The following CC2D1A variants were observed in gnomAD, a reference collection of about 807,000 sequenced individuals.
CC2D1A encodes coiled-coil and C2 domain containing 1A, also known as coiled-coil and C2 domain-containing protein 1A.
A neutral mutation model predicts 123.8 loss-of-function variants in CC2D1A; 68 were observed. The ratio of observed to expected loss-of-function variants is 0.55; its 90% CI spans 0.45 to 0.67. The LOEUF (loss-of-function observed/expected upper bound fraction) is 0.67, where lower values mean the gene tolerates loss of function less well. CC2D1A is among the 30% of genes least tolerant of loss of function. The pLI, the probability that CC2D1A is intolerant of heterozygous loss-of-function variation, is 0.00. For missense variants in CC2D1A, 1,185 were observed against 1,290.3 expected (o/e 0.92, Z 1.25); for synonymous variants, 477 against 528.0 (o/e 0.90, Z 1.32).
chr19:13,925,131 C>A (rs1035986462), intron 17 of CC2D1A, among the ~76,000 whole-genome samples: 1 of 152,146 alleles, frequency 6.6e-6, no homozygotes, highest in African/African-American at 2.4e-5. Flanking sequence ...GAGCACACTC[C>A]ACTCTCCCCT....
chr19:13,913,051 C>T lies in CC2D1A; in HGVS notation c.379-117C>T, dbSNP rs1372125797. 4 of 1,109,760 alleles carry T rather than the reference C, an allele frequency of 3.6e-6. 1 individual carries two copies. Among genetic ancestry groups the T allele is most frequent in the East Asian group, 2.6e-5 (1 of 38,046 alleles). 68.7% of individuals were successfully genotyped at this position (1,109,760 alleles called of 1,614,324 possible). ...AATGGGGACCATGATTTCTGCCTCA[C>T]TGGGGCAGGGGAGGCTGGTCCAGGG... On this transcript the variant is annotated intron_variant, in intron 4 of 28. Transcript: ENST00000318003.
chr19:13,921,010 A>C lies in CC2D1A; in HGVS notation c.1641+88A>C, dbSNP rs1282600292. ...CAGCCACGTGAACTAGAAGTGTATT[A>C]GTCAAGGTCCAGCTGCTGTAACAAA... On this transcript the variant is annotated intron_variant, in intron 14 of 28. Transcript: ENST00000318003. 7 of 1,275,990 alleles carry C rather than the reference A, an allele frequency of 5.5e-6. No homozygotes were observed. In the East Asian group the frequency reaches 1.8e-4, roughly 32 times the overall value. The allele number at this position is 1,275,990 out of a possible 1,614,324, so 79.0% of individuals were successfully genotyped here.
At chr19:13,914,143 G>C (rs1252149550) in intron 6 of CC2D1A, among the ~76,000 whole-genome samples, 2 of 151,892 alleles carry the variant, frequency 1.3e-5, no homozygotes, top group Admixed American at 6.6e-5. Flanking sequence ...CTCCCAATTT[G>C]CTGGGATTAC....
chr19:13,914,037 C>G (rs987704137), intron 6 of CC2D1A, among the ~76,000 whole-genome samples: 2 of 151,760 alleles, frequency 1.3e-5, no homozygotes, highest in African/African-American at 4.8e-5. Context: ...ATATGCCACA[C>G]TTGGCTAATT....
At chr19:13,926,406 G>C in intron 17 of CC2D1A, 111 bp from the exon 18 acceptor site, 1 of 895,990 alleles carries the variant, frequency 1.1e-6, no homozygotes, top group Non-Finnish European at 1.7e-6. Flanking sequence ...CCGAAGGCCA[G>C]GGTGGGGTTT....
chr19:13,908,080 A>T (rs1599374931), intron 1 of CC2D1A, among the ~76,000 whole-genome samples: 2 of 152,032 alleles, frequency 1.3e-5, no homozygotes, highest in South Asian at 4.1e-4. Flanking sequence ...ATCTCGGCCC[A>T]CTGCAACCTC....
chr19:13,924,574 A>G (rs939099124), intron 17 of CC2D1A, among the ~76,000 whole-genome samples: 13 of 151,614 alleles, frequency 8.6e-5, no homozygotes, highest in Non-Finnish European at 1.9e-4. Context: ...GGTTCAAGCA[A>G]TTCTCCTGCC....
chr19:13,907,909 T>C (rs1419515891), intron 1 of CC2D1A, among the ~76,000 whole-genome samples: 1 of 152,196 alleles, frequency 6.6e-6, no homozygotes, highest in Non-Finnish European at 1.5e-5. Context: ...CAATTTCATA[T>C]GGTTAAACAC....
rs771121840 is a variant in CC2D1A at position 13,930,409 on chromosome 19, C to T, written c.*14C>T. The T allele has an allele frequency of 4.4e-6, 7 of 1,597,840 alleles. No homozygotes were observed. In the Admixed American group the frequency reaches 7.0e-5, roughly 16 times the overall value. ...CTCCGCAGGTGAGGAGCCCATGGGGCGGGCAGCCCCCAGAAAGCGGGCAGC... is the reference window on the plus strand; with the variant it reads ...CTCCGCAGGTGAGGAGCCCATGGGGTGGGCAGCCCCCAGAAAGCGGGCAGC... On this transcript the variant is annotated 3_prime_UTR_variant, in exon 29 of 29. Coordinates refer to ENST00000318003, the MANE Select transcript of CC2D1A (RefSeq NM_017721.5). This position sits in a 1 kb window ranked among gnomAD's most constrained non-coding sequence, Gnocchi z 6.8.
At chr19:13,928,500 G>A (rs1294799139) in intron 24 of CC2D1A, among the ~76,000 whole-genome samples, 1 of 151,714 alleles carries the variant, frequency 6.6e-6, no homozygotes, top group Non-Finnish European at 1.5e-5. Context: ...CCTACCTAGG[G>A]TAGGGGTGTT....
At chr19:13,920,398 A>AAGG in intron 12 of CC2D1A, 159 bp from the exon 13 acceptor site, 1 of 608,444 alleles carries the variant, frequency 1.6e-6, no homozygotes, top group South Asian at 1.9e-5. Context: ...AAAAAAAAAA[A>AAGG]GGTGTTTGGG....
chr19:13,919,268 C>T (rs2145332735), intron 11 of CC2D1A, 66 bp downstream of exon 11: 2 of 1,296,620 alleles, frequency 1.5e-6, no homozygotes, highest in East Asian at 2.6e-5. Context: ...CCCCCAGAGG[C>T]CCCGCCGCTG....
At chr19:13,908,973 C>T (rs555417007) in intron 1 of CC2D1A, among the ~76,000 whole-genome samples, 1 of 151,950 alleles carries the variant, frequency 6.6e-6, no homozygotes, top group Non-Finnish European at 1.5e-5. Flanking sequence ...GTTGCCCAGG[C>T]GGAGTGCCGT....
At chr19:13,908,300 G>A (rs566394644) in intron 1 of CC2D1A, among the ~76,000 whole-genome samples, 3 of 152,086 alleles carry the variant, frequency 2.0e-5, no homozygotes, top group East Asian at 1.9e-4. Flanking sequence ...GTGAGCCACC[G>A]TGCCCGGCCT....
At chr19:13,920,261 A>T (rs542522004) in intron 12 of CC2D1A, 36 of 136,310 alleles carry the variant, frequency 2.6e-4, no homozygotes, top group African/African-American at 1.3e-3. Flanking sequence ...CAAGACAATT[A>T]AAAAAAAAAA....
chr19:13,918,862 A>G, intron 9 of CC2D1A, 45 bp downstream of exon 9: 1 of 1,609,828 alleles, frequency 6.2e-7, no homozygotes, highest in Non-Finnish European at 8.5e-7. Context: ...CTGGAGCCAG[A>G]CTGTCTACCC....
At chr19:13,918,848 C>T (rs750771780) in intron 9 of CC2D1A, 31 bp downstream of exon 9, 3 of 1,610,836 alleles carry the variant, frequency 1.9e-6, no homozygotes, top group Non-Finnish European at 2.5e-6. Flanking sequence ...GGGTTGGGGG[C>T]AGGCTGGAGC....
At chr19:13,926,399 A>C in intron 17 of CC2D1A, 118 bp from the exon 18 acceptor site, 1 of 825,666 alleles carries the variant, frequency 1.2e-6, no homozygotes, top group South Asian at 1.6e-5. Flanking sequence ...GACACCCCCG[A>C]AGGCCAGGGT....
chr19:13,927,999 T>G lies in CC2D1A; in HGVS notation c.2423T>G (p.Val808Gly), dbSNP rs1257699491. The G allele has an allele frequency of 6.2e-7, 1 of 1,613,506 alleles. No individual in the cohort carries two copies. Among genetic ancestry groups the G allele is most frequent in the Non-Finnish European group, 8.5e-7 (1 of 1,179,822 alleles). The change falls in exon 23 of 29, where the codon GTC becomes GGC. Residue 808 changes from valine (V) to glycine (G), a missense_variant. Physicochemically the swap from Val to Gly is moderately radical, Grantham distance 109. Coordinates refer to ENST00000318003, the MANE Select transcript of CC2D1A (RefSeq NM_017721.5). ...GAGACGACGACAGAGAGGTGGCTGGTCATTGACCCTGTGCCGGCAGCTGTG... is the reference window on the plus strand; with the variant it reads ...GAGACGACGACAGAGAGGTGGCTGGGCATTGACCCTGTGCCGGCAGCTGTG... The part of the protein sequence containing the change: ...QLETTTERWL[V>G]IDPVPAAVPT...
Sources: allele counts gnomAD v4.1 joint callset (sites outside exome capture counted in the v4.1 genomes callset), GRCh38; gene constraint gnomAD v4.1.1; non-coding constraint Gnocchi (gnomAD v3.1); transcripts MANE v1.5; gene names NCBI Gene and HGNC (gene_info 2026-07-23, HGNC 2026-07-21).